SAMD11: variants seen among roughly 807,000 people sequenced by gnomAD.
The protein encoded by SAMD11 is sterile alpha motif domain-containing protein 11.
SAMD11 carries 77 observed loss-of-function variants against 64.4 expected under a neutral mutation model. The ratio of observed to expected loss-of-function variants is 1.20; its 90% CI spans 0.99 to 1.44. The LOEUF (loss-of-function observed/expected upper bound fraction) is 1.44, where lower values mean the gene tolerates loss of function less well. Ranked by LOEUF, SAMD11 falls within the 40% of genes most tolerant of loss-of-function variation. The pLI is 0.00. For synonymous variants in SAMD11, 658 were observed against 421.9 expected (o/e 1.56, Z -6.86); for missense variants, 1,402 against 943.3 (o/e 1.49, Z -6.37).
chr1:943,407 G>A (rs1446553521), intron 12 of SAMD11, 30 bp downstream of exon 12: 3 of 1,489,710 alleles, frequency 2.0e-6, no homozygotes, highest in Middle Eastern at 2.0e-4. Context: ...CCTGGGGCGG[G>A]GCTGGAGCTG....
At chr1:927,227 C>G (rs1469774279) in intron 2 of SAMD11, among the ~76,000 whole-genome samples, 1 of 152,186 alleles carries the variant, frequency 6.6e-6, no homozygotes, top group Non-Finnish European at 1.5e-5. Context: ...CTACCCGGGG[C>G]AAGAGGCCCA....
rs1381016029 is a variant in SAMD11, at chr1:942,570, C to T, written c.1565C>T (p.Pro522Leu). 51 of 1,404,492 alleles carry T rather than the reference C, an allele frequency of 3.6e-5. No homozygotes were observed. The highest frequency in any genetic ancestry group is 4.4e-5 in the Non-Finnish European group (48 of 1,088,448). The allele number at this position is 1,404,492 out of a possible 1,614,324, so 87.0% of individuals were successfully genotyped here. A position where few individuals can be genotyped will look rare whatever the true frequency, so the allele number is the denominator to read the frequency against. The change falls in exon 11 of 14, where the codon CCC becomes CTC. Residue 522 changes from proline to leucine, a missense_variant. Transcript: ENST00000616016. ...TGCCCCCGGCCCAGGCTGGAGCTGC[C>T]CGCCGACCTCCTGCGGCAGAAGGAG... is the stretch of plus-strand genomic sequence containing the variant. ...RKQNLARLEL[P>L]ADLLRQKELE...
Position 931,042 on chromosome 1 carries a change from C to T in SAMD11, c.795C>T (p.Val265=), listed in dbSNP as rs139210662. The stretch of plus-strand genomic sequence containing the variant: ...CCTTCTGCTTCCCTTCCTGCAGAGT[C>T]CACACCCACTGGGACGTGAACATCT... The part of the protein sequence containing the change: ...GPHIRIMKRR[V]HTHWDVNISF... The change falls in exon 4 of 14, where the codon GTC becomes GTT. Residue 265 remains valine, a synonymous_variant. Coordinates refer to ENST00000616016, the MANE Select transcript of SAMD11 (RefSeq NM_001385641.1). 1.1e-3 allele frequency: 1,804 copies of T among 1,612,956 alleles called. 14 individuals carry two copies. In the African/African-American group the frequency reaches 0.016, roughly 14 times the overall value.
Position 942,482 on chromosome 1 carries a change from T to C in SAMD11, c.1547T>C (p.Leu516Pro). Residue 516 changes from leucine (L) to proline (P), a missense_variant, in exon 10 of 14, where the codon CTG becomes CCG. By Grantham distance (98) the Leu-to-Pro change is moderately conservative. Coordinates refer to ENST00000616016, the MANE Select transcript of SAMD11 (RefSeq NM_001385641.1). ...CAGGAGCTCCTGCGGAAGCAGAACCTGGCCCGGTAGGTGCGGGGAGGCGGG... is the reference window on the plus strand; with the variant it reads ...CAGGAGCTCCTGCGGAAGCAGAACCCGGCCCGGTAGGTGCGGGGAGGCGGG... ...WQQELLRKQN[L>P]ARLELPADLL... 1.4e-6 allele frequency: 2 copies of C among 1,478,228 alleles called. No homozygotes were observed. Among genetic ancestry groups the C allele is most frequent in the Non-Finnish European group, 1.8e-6 (2 of 1,120,298 alleles). The allele number at this position is 1,478,228 out of a possible 1,614,324, so 91.6% of individuals were successfully genotyped here. A position where few individuals can be genotyped will look rare whatever the true frequency, so the allele number is the denominator to read the frequency against.
At chr1:935,492 C>T (rs1641384853) in intron 4 of SAMD11, among the ~76,000 whole-genome samples, 1 of 152,180 alleles carries the variant, frequency 6.6e-6, no homozygotes, top group Admixed American at 6.5e-5. Flanking sequence ...CTGTGGAGGG[C>T]GTGAAGGCAG....
Position 926,005 on chromosome 1 carries a change from TC to T in SAMD11, c.605del (p.Pro202ArgfsTer2). 1.9e-6 allele frequency: 3 copies of T among 1,611,558 alleles called. No homozygotes were observed. The highest frequency in any genetic ancestry group is 2.5e-6 in the Non-Finnish European group (3 of 1,179,862). ...ICDCPGCRIS[S>X]PVNRGRLADK... is the part of the protein sequence containing the mutation. The stretch of plus-strand genomic sequence containing the variant: ...CGACTGCCCGGGCTGCCGAATATCC[TC>T]CCCGGTGGTGAGATGCGGGGCTCGG... On this transcript the variant is annotated frameshift_variant, in exon 2 of 14. Coordinates refer to ENST00000616016, the MANE Select transcript of SAMD11 (RefSeq NM_001385641.1). LOFTEE classifies it high-confidence loss of function.
Position 942,195 on chromosome 1 carries a change from GC to G in SAMD11, c.1423del (p.His475IlefsTer89). 1 of 1,391,464 alleles carries G rather than the reference GC, an allele frequency of 7.2e-7. No homozygotes were observed. Among genetic ancestry groups the G allele is most frequent in the East Asian group, 2.8e-5 (1 of 35,714 alleles). 86.2% of individuals were successfully genotyped at this position (1,391,464 alleles called of 1,614,324 possible). On this transcript the variant is annotated frameshift_variant, in exon 9 of 14. Transcript: ENST00000616016. LOFTEE classifies it high-confidence loss of function. ...SPQNAPHVAL[G>X]PHLRPPFLGV... Reference sequence around the variant, plus strand: ...CAGAATGCCCCTCACGTCGCCCTGGGCCCCCATCTCAGGCCCCCCTTCCTGG... The same window carrying G: ...CAGAATGCCCCTCACGTCGCCCTGGGCCCCATCTCAGGCCCCCCTTCCTGG...
intron 2 of SAMD11, among the ~76,000 whole-genome samples, chr1:928,391 C>A (rs968072820): frequency 4.6e-5 from 7 of 151,854 alleles, no homozygotes; most frequent in Non-Finnish European, 8.8e-5. Context: ...GACTCCGTCT[C>A]AAAAAACTAA....
chr1:939,104 G>T lies in SAMD11; in HGVS notation c.1032G>T (p.Lys344Asn). Residue 344 changes from lysine (K) to asparagine (N), a missense_variant, in exon 6 of 14, where the codon AAG (lysine) becomes AAT (asparagine). Coordinates refer to ENST00000616016, the MANE Select transcript of SAMD11 (RefSeq NM_001385641.1). ...PRISSDCFSE[K>N]RARSESPQEA... is the part of the protein sequence containing the mutation. ...TCAGCAGCGACTGCTTTTCAGAGAA[G>T]AGGGCACGAAGCGAATCGCCTCAAG... 1 of 1,603,094 alleles carries T rather than the reference G, an allele frequency of 6.2e-7. No individual in the cohort carries two copies.
chr1:925,985 G>C lies in SAMD11; in HGVS notation c.581G>C (p.Cys194Ser), dbSNP rs1424167425. The C allele has an allele frequency of 6.2e-7, 1 of 1,611,884 alleles. No individual in the cohort carries two copies. The highest frequency in any genetic ancestry group is 1.3e-5 in the African/African-American group (1 of 74,950). The change falls in exon 2 of 14, where the codon TGC becomes TCC. Residue 194 changes from cysteine to serine, a missense_variant. Transcript: ENST00000616016. Reference protein sequence around the residue: ...ILQVHPPICDCPGCRISSPVN... With the variant: ...ILQVHPPICDSPGCRISSPVN... ...CAGGTGCATCCTCCGATCTGCGACT[G>C]CCCGGGCTGCCGAATATCCTCCCCG...
At chr1:926,131 G>C (rs1400009575) in intron 2 of SAMD11, 118 bp downstream of exon 2, 1 of 983,360 alleles carries the variant, frequency 1.0e-6, no homozygotes, top group Non-Finnish European at 1.6e-6. Flanking sequence ...GTGTGCTGGA[G>C]GGAGCCTCCG....
chr1:942,156 C>A lies in SAMD11; in HGVS notation c.1379C>A (p.Pro460His), dbSNP rs767189715. 2 of 1,399,880 alleles carry A rather than the reference C, an allele frequency of 1.4e-6. No homozygotes were observed. The highest frequency in any genetic ancestry group is 9.5e-7 in the Non-Finnish European group (1 of 1,054,862). 86.7% of individuals were successfully genotyped at this position (1,399,880 alleles called of 1,614,324 possible). A position where few individuals can be genotyped will look rare whatever the true frequency, so the allele number is the denominator to read the frequency against. ...CACAGGGAGCTGCCTCAGCCGCCCC[C>A]CTTGCTGTCGCCGCAGAATGCCCCT... The part of the protein sequence containing the change: ...FSERELPQPP[P>H]LLSPQNAPHV... Residue 460 changes from proline (P) to histidine (H), a missense_variant, in exon 9 of 14, where the codon CCC (proline) becomes CAC (histidine). Physicochemically the swap from Pro to His is moderately conservative, Grantham distance 77. Coordinates refer to ENST00000616016, the MANE Select transcript of SAMD11 (RefSeq NM_001385641.1).
Position 944,560 on chromosome 1 carries a change from A to AAAT in SAMD11, c.*413_*415dup, listed in dbSNP as rs1178505466. On this transcript the variant is annotated 3_prime_UTR_variant, in exon 14 of 14. Transcript: ENST00000616016. Reference sequence around the variant, plus strand: ...CGTTTGGTCTTTCATGCTGAAAAATAAATAATAAAGCCTGTCCCGTGTCTA... The same window carrying AAAT: ...CGTTTGGTCTTTCATGCTGAAAAATAAATAATAATAAAGCCTGTCCCGTGTCTA... 11 of 633,886 alleles carry AAAT rather than the reference A, an allele frequency of 1.7e-5. No individual in the cohort carries two copies. In the African/African-American group the frequency reaches 2.1e-4, roughly 12 times the overall value. The allele number at this position is 633,886 out of a possible 1,614,324, so 39.3% of individuals were successfully genotyped here. A position where few individuals can be genotyped will look rare whatever the true frequency, so the allele number is the denominator to read the frequency against.
rs192770385 is a variant in SAMD11, at chr1:935,260, T to G, written c.843-512T>G. Among the ~76,000 whole-genome samples, 1,118 of 152,258 alleles carry G rather than the reference T, an allele frequency of 7.3e-3. 17 individuals carry two copies. Among genetic ancestry groups the G allele is most frequent in the African/African-American group, 0.025 (1,053 of 41,522 alleles). ...GGTGCGAGCTGCACGTGTCTGCCGG[T>G]GCCGTGTGTGCGTGGGGCGCGTCTC... On this transcript the variant is annotated intron_variant, in intron 4 of 13. Transcript: ENST00000616016.
chr1:934,008 A>AGGGGAGGCGGCTCCGTTACAGGTGGGCGG, intron 4 of SAMD11, among the ~76,000 whole-genome samples: 1 of 124,706 alleles, frequency 8.0e-6, no homozygotes, highest in African/African-American at 4.1e-5. Flanking sequence ...ACAGGTGGGC[A>AGGGGAGGCGGCTCCGTTACAGGTGGGCGG]GGGGAGGCGG....
chr1:941,940 A>G (rs946777713), intron 8 of SAMD11, among the ~76,000 whole-genome samples, 196 bp from the exon 9 acceptor site: 2 of 151,960 alleles, frequency 1.3e-5, no homozygotes, highest in African/African-American at 4.8e-5. Flanking sequence ...CCGCCGGGTC[A>G]GCGCCTCCGC....
intron 4 of SAMD11, among the ~76,000 whole-genome samples, chr1:931,692 G>A (rs772278347): frequency 2.0e-5 from 3 of 152,246 alleles, no homozygotes; most frequent in Non-Finnish European, 2.9e-5. Context: ...GTGACCAGGT[G>A]TATGTTTGGA....
At chr1:926,922 G>T (rs142621964) in intron 2 of SAMD11, among the ~76,000 whole-genome samples, 1 of 152,124 alleles carries the variant, frequency 6.6e-6, no homozygotes, top group Non-Finnish European at 1.5e-5. Context: ...GGTCCCGGGC[G>T]TACCTCCGCT....
Position 941,200 on chromosome 1 carries a change from C to G in SAMD11, c.1252C>G (p.Leu418Val), listed in dbSNP as rs756009832. 7 of 1,601,956 alleles carry G rather than the reference C, an allele frequency of 4.4e-6. No homozygotes were observed. Among genetic ancestry groups the G allele is most frequent in the Non-Finnish European group, 6.0e-6 (7 of 1,175,094 alleles). ...TGCAGCTCTGAGGGGCCCCAGTGGC[C>G]TGGAAGCCCACCTGCCCTCCTCCAC... ...AAAALRGPSG[L>V]EAHLPSSTAG... Residue 418 changes from leucine to valine, a missense_variant, in exon 8 of 14, where the codon CTG becomes GTG. Leu to Val is a conservative substitution (Grantham distance 32). Transcript: ENST00000616016.
Sources: gnomAD v4.1 joint callset for allele counts (sites outside exome capture counted in the v4.1 genomes callset) on GRCh38, gnomAD v4.1.1 for gene constraint, MANE v1.5 for transcripts, NCBI Gene and HGNC (gene_info 2026-07-23, HGNC 2026-07-21) for gene names.